Variants in PXDN observed in about 807,000 individuals in gnomAD.
The protein encoded by PXDN is peroxidasin.
Under a neutral mutation model 140.3 loss-of-function variants are expected in PXDN, and 77 were observed. That is an observed-to-expected ratio of 0.55 (90% CI 0.46 to 0.66). PXDN has a LOEUF of 0.66. Among genes scored for constraint, PXDN ranks in the 30% least tolerant of loss-of-function variants. PXDN has a pLI of 0.00. For synonymous variants in PXDN, 911 were observed against 857.4 expected, an observed-to-expected ratio of 1.06 and a Z score of -1.09; for missense variants, 1,838 against 2,039.5, an observed-to-expected ratio of 0.90 and a Z score of 1.90.
chr2:1,635,241 C>T lies in PXDN; in HGVS notation c.4320+167G>A, dbSNP rs7602869. On this transcript the variant is annotated intron_variant, in intron 22 of 22. Coordinates refer to ENST00000252804, the MANE Select transcript of PXDN (RefSeq NM_012293.3). ...TAGCACGTCCTCTGTGCACAGAGAG[C>T]TGGGCTTGCCTGGTGCTTCCATAGG... Among the ~76,000 whole-genome samples, 10,614 of 152,258 alleles carry T rather than the reference C, an allele frequency of 0.07. 411 individuals are homozygous for T. The highest frequency in any genetic ancestry group is 0.084 in the Non-Finnish European group (5,742 of 68,012).
In PXDN at chr2:1,687,223, G is replaced by A. The variant is rs898773572; in HGVS notation, c.416+409C>T. Among the ~76,000 whole-genome samples the A allele has an allele frequency of 1.3e-5, 2 of 152,250 alleles. No individual in the cohort carries two copies. Among genetic ancestry groups the A allele is most frequent in the South Asian group, 4.1e-4 (2 of 4,832 alleles). On this transcript the variant is annotated intron_variant, in intron 4 of 22. Transcript: ENST00000252804. This position sits in a 1 kb window ranked among gnomAD's most constrained non-coding sequence, Gnocchi z 4.0. ...GTTCACAGTCATAAGGAGGAACAGT[G>A]AACGAGGCAAAGAGCCCTCTCCTCC...
At chr2:1,699,201 G>C (rs1684363554) in intron 1 of PXDN, among the ~76,000 whole-genome samples, 1 of 152,138 alleles carries the variant, frequency 6.6e-6, no homozygotes, top group African/African-American at 2.4e-5. Context: ...TTTGCCATTA[G>C]ATTCCCTTTC....
At chr2:1,720,722 T>TCACA (rs1244652557) in intron 1 of PXDN, among the ~76,000 whole-genome samples, 1 of 40,418 alleles carries the variant, frequency 2.5e-5, no homozygotes, top group African/African-American at 3.6e-5. Context: ...TCTCTCTCTC[T>TCACA]CTCACACACA....
intron 11 of PXDN, 187 bp from the exon 12 acceptor site, chr2:1,663,950 C>T: frequency 4.7e-6 from 3 of 636,098 alleles, no homozygotes; most frequent in Non-Finnish European, 8.1e-6. Context: ...AACGTCCCTG[C>T]ACCCGTAACT....
intron 1 of PXDN, among the ~76,000 whole-genome samples, chr2:1,717,769 C>T (rs775615472): frequency 2.7e-5 from 4 of 150,828 alleles, no homozygotes; most frequent in Non-Finnish European, 5.9e-5. Flanking sequence ...CTACCCAAAC[C>T]TGCTCTACTA....
chr2:1,714,429 C>T lies in PXDN; in HGVS notation c.201-21295G>A, dbSNP rs1684851444. 6.6e-6 allele frequency among the ~76,000 whole-genome samples: 1 copy of T among 152,166 alleles called. No homozygotes were observed. Among genetic ancestry groups the T allele is most frequent in the Non-Finnish European group, 1.5e-5 (1 of 68,034 alleles). Reference sequence around the variant, plus strand: ...GCTACTGTGGGAGCAGGGACCCTGCCAGTTACACTTCCTAGAACTTCCAAC... The same window carrying T: ...GCTACTGTGGGAGCAGGGACCCTGCTAGTTACACTTCCTAGAACTTCCAAC... On this transcript the variant is annotated intron_variant, in intron 1 of 22. Coordinates refer to ENST00000252804, the MANE Select transcript of PXDN (RefSeq NM_012293.3). The surrounding 1 kb of genome is among the most constrained non-coding windows in gnomAD (Gnocchi z 4.3).
intron 12 of PXDN, among the ~76,000 whole-genome samples, chr2:1,663,227 G>T (rs977373880): frequency 6.6e-6 from 1 of 152,108 alleles, no homozygotes. Flanking sequence ...TGTGCCTTGG[G>T]AGCTGACTTG....
intron 16 of PXDN, among the ~76,000 whole-genome samples, chr2:1,652,804 T>C (rs991131668): frequency 5.9e-5 from 9 of 152,326 alleles, no homozygotes; most frequent in African/African-American, 1.7e-4. Context: ...CATTTAACCA[T>C]TGAAGAACAT....
intron 1 of PXDN, among the ~76,000 whole-genome samples, chr2:1,718,698 C>T (rs560741949): frequency 1.8e-4 from 28 of 152,370 alleles, no homozygotes; most frequent in Admixed American, 9.1e-4. Context: ...CACGGGGTGA[C>T]GCGGGCAGGG....
intron 1 of PXDN, among the ~76,000 whole-genome samples, chr2:1,702,723 G>T (rs1684465160): frequency 6.6e-6 from 1 of 151,878 alleles, no homozygotes; most frequent in African/African-American, 2.4e-5. Context: ...CCGTCTCCCA[G>T]GTTCAAGCAA....
At chr2:1,744,650 T>C (rs1049167163), upstream of PXDN, 21 of 442,056 alleles carry the variant, frequency 4.8e-5, no homozygotes, top group Non-Finnish European at 7.0e-5. Context: ...GGCCCCAGCG[T>C]CCGGCCTGAG....
Position 1,744,353 on chromosome 2 carries a change from C to T in PXDN, c.103G>A (p.Gly35Arg). The change falls in exon 1 of 23, where the codon GGG (glycine) becomes AGG (arginine). Residue 35 changes from glycine to arginine, a missense_variant. Physicochemically the swap from Gly to Arg is moderately radical, Grantham distance 125. This residue lies in a region of PXDN where 231 missense variants were observed against 201.5 expected (regional missense o/e 1.15). Coordinates refer to ENST00000252804, the MANE Select transcript of PXDN (RefSeq NM_012293.3). ...LAVVAQKPGA[G>R]CPSRCLCFRT... ...AAGCACAGGCAGCGGCTCGGACACC[C>T]TGCGCCCGGCTTCTGGGCCACCACG... is the stretch of plus-strand genomic sequence containing the variant. 1 of 1,527,498 alleles carries T rather than the reference C, an allele frequency of 6.5e-7. No individual in the cohort carries two copies. The highest frequency in any genetic ancestry group is 8.7e-7 in the Non-Finnish European group (1 of 1,143,652). 94.6% of individuals were successfully genotyped at this position (1,527,498 alleles called of 1,614,324 possible).
At chr2:1,728,070 C>A (rs1199297830) in intron 1 of PXDN, among the ~76,000 whole-genome samples, 1 of 152,116 alleles carries the variant, frequency 6.6e-6, no homozygotes, top group Admixed American at 6.5e-5. Flanking sequence ...AAGTGAGTAG[C>A]CAGGACTACA....
chr2:1,632,994 A>C lies in PXDN; in HGVS notation c.*1210T>G, dbSNP rs1194895640. 6.6e-6 allele frequency: 1 copy of C among 152,572 alleles called. No homozygotes were observed. Among genetic ancestry groups the C allele is most frequent in the African/African-American group, 2.4e-5 (1 of 41,422 alleles). The allele number at this position is 152,572 out of a possible 1,614,324, so 9.5% of individuals were successfully genotyped here. ...CGCTTTGTATTTAGAGAAAAATGGA[A>C]GGTTTTGGTCAATTAAAGAGAGACC... is the stretch of plus-strand genomic sequence containing the variant. On this transcript the variant is annotated 3_prime_UTR_variant, in exon 23 of 23. Transcript: ENST00000252804. This position sits in a 1 kb window ranked among gnomAD's most constrained non-coding sequence, Gnocchi z 4.3.
At chr2:1,634,724 G>A (rs72763556) in intron 22 of PXDN, among the ~76,000 whole-genome samples, 11,695 of 152,254 alleles carry the variant, frequency 0.077, 476 homozygotes, top group Non-Finnish European at 0.085. Flanking sequence ...GGAAGGGACA[G>A]GGCTTTGCTC....
chr2:1,702,637 GTT>G (rs1684462945), intron 1 of PXDN, among the ~76,000 whole-genome samples: 2 of 151,996 alleles, frequency 1.3e-5, no homozygotes, highest in Non-Finnish European at 2.9e-5. Context: ...TTTTGGTTTT[GTT>G]TTGTTTTGAG....
intron 6 of PXDN, among the ~76,000 whole-genome samples, chr2:1,682,313 G>C (rs1160811288): frequency 6.6e-6 from 1 of 151,948 alleles, no homozygotes; most frequent in East Asian, 1.9e-4. Context: ...CCAGGATGTA[G>C]TTTTTAGTTT....
intron 12 of PXDN, among the ~76,000 whole-genome samples, chr2:1,662,731 G>A (rs1683335382): frequency 2.0e-5 from 3 of 152,164 alleles, no homozygotes; most frequent in South Asian, 4.1e-4. Flanking sequence ...GGACGCCAAG[G>A]GCAAACCCAA....
chr2:1,647,334 TTAA>T (rs1682870935), intron 17 of PXDN, among the ~76,000 whole-genome samples: 1 of 151,984 alleles, frequency 6.6e-6, no homozygotes, highest in South Asian at 2.1e-4. Flanking sequence ...GAATTCTGAG[TTAA>T]TGAGAACCCC....
Sources: allele counts gnomAD v4.1 joint callset (sites outside exome capture counted in the v4.1 genomes callset), GRCh38; gene constraint gnomAD v4.1.1; regional missense constraint gnomAD v4.1.1; non-coding constraint Gnocchi (gnomAD v3.1); transcripts MANE v1.5; gene names NCBI Gene and HGNC (gene_info 2026-07-23, HGNC 2026-07-21).